FBXW4: variants seen among roughly 807,000 people sequenced by gnomAD.
FBXW4 encodes F-box/WD repeat-containing protein 4.
FBXW4 carries 40 observed loss-of-function variants against 61.8 expected under a neutral mutation model. The ratio of observed to expected loss-of-function variants is 0.65; its 90% CI spans 0.50 to 0.84. The LOEUF (loss-of-function observed/expected upper bound fraction) is 0.84, where lower values mean the gene tolerates loss of function less well. Among genes scored for constraint, FBXW4 ranks in the 40% least tolerant of loss-of-function variants. FBXW4 has a pLI of 0.00. For synonymous variants in FBXW4, 311 were observed against 313.8 expected (o/e 0.99, Z 0.10); for missense variants, 672 against 753.8 (o/e 0.89, Z 1.27).
At chr10:101,612,717 C>T (rs2063798283) in intron 6 of FBXW4, among the ~76,000 whole-genome samples, 1 of 151,768 alleles carries the variant, frequency 6.6e-6, no homozygotes, top group African/African-American at 2.4e-5. Context: ...GCAGCCCCTC[C>T]ATCACACCTG....
At position 101,694,600 on chromosome 10, in the gene FBXW4, GCCTCCT is replaced by G. The variant is rs560966094; in HGVS notation, c.500_505del (p.Glu167_Glu168del). ...CGGGCGGGCAGCCGACTCCCGAGCC[GCCTCCT>G]CCTCCTCCTCCTCCTCCCCGGCCGC... On this transcript the variant is annotated inframe_deletion, in exon 1 of 9. Coordinates refer to ENST00000331272, the MANE Select transcript of FBXW4 (RefSeq NM_022039.4). The surrounding 1 kb of genome is among the most constrained non-coding windows in gnomAD (Gnocchi z 6.0). 23 of 1,425,736 alleles carry G rather than the reference GCCTCCT, an allele frequency of 1.6e-5. No homozygotes were observed. In the Admixed American group the frequency reaches 2.2e-4, roughly 14 times the overall value. 88.3% of individuals were successfully genotyped at this position (1,425,736 alleles called of 1,614,324 possible). A position where few individuals can be genotyped will look rare whatever the true frequency, so the allele number is the denominator to read the frequency against.
intron 6 of FBXW4, among the ~76,000 whole-genome samples, chr10:101,615,932 C>CTCCT (rs538610737): frequency 4.4e-4 from 67 of 152,338 alleles, no homozygotes; most frequent in African/African-American, 1.5e-3. Flanking sequence ...TACTAGAGCA[C>CTCCT]TCCTGAGTCA....
At position 101,694,889 on chromosome 10, in the gene FBXW4, C is replaced by T. The variant is rs1224779546; in HGVS notation, c.217G>A (p.Ala73Thr). ...QTAKEAAGPG[A>T]DAGARACPRE... The stretch of plus-strand genomic sequence containing the variant: ...GGGCATGCCCTCGCTCCCGCGTCAG[C>T]CCCCGGCCCGGCTGCCTCCTTCGCC... The change falls in exon 1 of 9, where the codon GCT (alanine) becomes ACT (threonine). Residue 73 changes from alanine (A) to threonine (T), a missense_variant. Physicochemically the swap from Ala to Thr is moderately conservative, Grantham distance 58 (BLOSUM62 0). Transcript: ENST00000331272. This position sits in a 1 kb window ranked among gnomAD's most constrained non-coding sequence, Gnocchi z 6.0. 1.6e-6 allele frequency: 2 copies of T among 1,239,508 alleles called. No homozygotes were observed. Among genetic ancestry groups the T allele is most frequent in the Non-Finnish European group, 2.0e-6 (2 of 992,446 alleles). The allele number at this position is 1,239,508 out of a possible 1,614,324, so 76.8% of individuals were successfully genotyped here.
intron 5 of FBXW4, among the ~76,000 whole-genome samples, chr10:101,629,623 G>A (rs1370398477): frequency 6.6e-6 from 1 of 151,848 alleles, no homozygotes; most frequent in East Asian, 1.9e-4. Flanking sequence ...CTGAGGCTTT[G>A]GGAGGTAATT....
intron 5 of FBXW4, among the ~76,000 whole-genome samples, chr10:101,636,944 T>C (rs1166991412): frequency 6.6e-6 from 1 of 152,158 alleles, no homozygotes; most frequent in Non-Finnish European, 1.5e-5. Context: ...GAAATATTTA[T>C]AGATGAAATT....
intron 1 of FBXW4, among the ~76,000 whole-genome samples, chr10:101,683,221 T>C (rs1432290484): frequency 3.3e-5 from 5 of 152,238 alleles, no homozygotes; most frequent in Non-Finnish European, 2.9e-5. Flanking sequence ...TTTCTCCATA[T>C]GGTTACTAAT....
intron 5 of FBXW4, chr10:101,625,219 A>T (rs2063898402): frequency 4.7e-6 from 1 of 211,172 alleles, no homozygotes; most frequent in Non-Finnish European, 9.7e-6. Flanking sequence ...TGGGGCTGGA[A>T]GGTGCTGCCC....
At chr10:101,691,626 G>C (rs1446955351) in intron 1 of FBXW4, among the ~76,000 whole-genome samples, 2 of 151,726 alleles carry the variant, frequency 1.3e-5, no homozygotes, top group African/African-American at 4.8e-5. Context: ...CTCTCTTTTA[G>C]AGCATTTGAA....
At chr10:101,623,255 C>T (rs2063882043) in intron 6 of FBXW4, among the ~76,000 whole-genome samples, 1 of 152,012 alleles carries the variant, frequency 6.6e-6, no homozygotes, top group Non-Finnish European at 1.5e-5. Context: ...CCAAAAAACA[C>T]ACAAAAAATT....
At chr10:101,613,729 G>T (rs2063805625) in intron 6 of FBXW4, among the ~76,000 whole-genome samples, 1 of 152,206 alleles carries the variant, frequency 6.6e-6, no homozygotes. Flanking sequence ...AATCAAAGGA[G>T]GAGACTGGGG....
At chr10:101,678,591 A>T (rs2064440800) in intron 1 of FBXW4, among the ~76,000 whole-genome samples, 1 of 152,068 alleles carries the variant, frequency 6.6e-6, no homozygotes, top group African/African-American at 2.4e-5. Context: ...ACACCCAGCT[A>T]ATTTTTTTTA....
intron 6 of FBXW4, among the ~76,000 whole-genome samples, chr10:101,620,112 C>T (rs1564902988): frequency 3.3e-5 from 5 of 152,100 alleles, no homozygotes; most frequent in African/African-American, 1.2e-4. Flanking sequence ...AAAATCCAGG[C>T]GCTCCTCAAG....
intron 1 of FBXW4, among the ~76,000 whole-genome samples, chr10:101,687,815 A>G (rs186436107): frequency 6.6e-6 from 1 of 152,276 alleles, no homozygotes; most frequent in East Asian, 1.9e-4. Context: ...CATACACTAA[A>G]TGCTCTTCAA....
chr10:101,653,728 C>G (rs969545886), intron 5 of FBXW4, among the ~76,000 whole-genome samples: 4 of 152,186 alleles, frequency 2.6e-5, no homozygotes, highest in African/African-American at 9.7e-5. Flanking sequence ...ATTGTTTCCG[C>G]AATTGCACTA....
intron 1 of FBXW4, among the ~76,000 whole-genome samples, chr10:101,693,484 A>G (rs578248715): frequency 6.6e-6 from 1 of 152,370 alleles, no homozygotes; most frequent in Non-Finnish European, 1.5e-5. Flanking sequence ...TCAGTAAGAT[A>G]GCAATTATAT....
chr10:101,694,663 T>A lies in FBXW4; in HGVS notation c.443A>T (p.Asp148Val). The change falls in exon 1 of 9, where the codon GAC (aspartate) becomes GTC (valine). Residue 148 changes from aspartate to valine, a missense_variant. Around this residue, in one of 5 missense-constraint regions of FBXW4, gnomAD observed 311 missense variants for 301.1 expected, o/e 1.03. Coordinates refer to ENST00000331272, the MANE Select transcript of FBXW4 (RefSeq NM_022039.4). The surrounding 1 kb of genome is among the most constrained non-coding windows in gnomAD (Gnocchi z 6.0). The stretch of plus-strand genomic sequence containing the variant: ...CATGGCCACCCCTGTCCCCGCGATG[T>A]CGGCCCAAGCCTGACCCCCTCGTCC... ...AQGRGGQAWA[D>V]IAGTGVAMAA... The A allele has an allele frequency of 7.1e-7, 1 of 1,409,608 alleles. No individual in the cohort carries two copies. Among genetic ancestry groups the A allele is most frequent in the Non-Finnish European group, 9.2e-7 (1 of 1,092,122 alleles). The allele number at this position is 1,409,608 out of a possible 1,614,324, so 87.3% of individuals were successfully genotyped here.
At chr10:101,690,783 CAT>C (rs1302883972) in intron 1 of FBXW4, among the ~76,000 whole-genome samples, 5 of 152,194 alleles carry the variant, frequency 3.3e-5, no homozygotes, top group Admixed American at 3.3e-4. Context: ...GTTCTGCTGT[CAT>C]GTTTCCAAAA....
intron 5 of FBXW4, among the ~76,000 whole-genome samples, chr10:101,665,415 G>A (rs2064288566): frequency 6.6e-6 from 1 of 152,108 alleles, no homozygotes; most frequent in African/African-American, 2.4e-5. Context: ...ACCAGCCTGG[G>A]TAACACTGTG....
intron 5 of FBXW4, among the ~76,000 whole-genome samples, chr10:101,651,344 G>A (rs192001230): frequency 2.0e-5 from 3 of 152,074 alleles, no homozygotes; most frequent in African/African-American, 7.2e-5. Flanking sequence ...GGAAATGGGT[G>A]GGGGGTGAAA....
Sources: allele counts gnomAD v4.1 joint callset (sites outside exome capture counted in the v4.1 genomes callset), GRCh38; gene constraint gnomAD v4.1.1; regional missense constraint gnomAD v4.1.1; non-coding constraint Gnocchi (gnomAD v3.1); transcripts MANE v1.5; gene names NCBI Gene and HGNC (gene_info 2026-07-23, HGNC 2026-07-21).